LILRA6: variants seen among roughly 807,000 people sequenced by gnomAD.
LILRA6 encodes the protein leukocyte immunoglobulin-like receptor subfamily A member 6.
A neutral mutation model predicts 53.9 loss-of-function variants in LILRA6; 16 were observed. The ratio of observed to expected loss-of-function variants is 0.30; its 90% CI spans 0.20 to 0.45. LILRA6 has a LOEUF of 0.45. LILRA6 is among the 20% of genes least tolerant of loss of function. LILRA6 has a pLI of 1.00. For synonymous variants in LILRA6, 135 were observed against 256.4 expected, an observed-to-expected ratio of 0.53 and a Z score of 4.52; for missense variants, 306 against 618.6, an observed-to-expected ratio of 0.49 and a Z score of 5.36.
At chr19:54,237,148 A>C (rs1334531000), downstream of LILRA6, 2 of 150,936 alleles carry the variant, frequency 1.3e-5, no homozygotes, top group Non-Finnish European at 2.9e-5. Flanking sequence ...GGATCACCTT[A>C]GGTCAGGAGT....
intron 7 of LILRA6, chr19:54,239,511 T>C (rs1188770878): frequency 4.4e-6 from 3 of 679,956 alleles, no homozygotes; most frequent in African/African-American, 1.9e-5. Context: ...CACTCCCTTC[T>C]TTCCTAGTGT....
Position 54,238,920 on chromosome 19 carries a change from C to T in LILRA6, c.*33G>A, listed in dbSNP as rs772780268. 132 of 1,605,260 alleles carry T rather than the reference C, an allele frequency of 8.2e-5. 1 individual carries two copies. The highest frequency in any genetic ancestry group is 1.1e-4 in the Non-Finnish European group (124 of 1,176,506). On this transcript the variant is annotated 3_prime_UTR_variant, in exon 8 of 8. Coordinates refer to ENST00000396365, the Ensembl canonical transcript of LILRA6. ...CATCAGATCTGTCCCTGAGGCTCCA[C>T]CACGCTGAAGGGTGCATTGTCCTCT...
chr19:54,237,864 T>C (rs1304618775), downstream of LILRA6: 1 of 150,812 alleles, frequency 6.6e-6, no homozygotes, highest in Non-Finnish European at 1.5e-5. Flanking sequence ...TTGAACCACA[T>C]ATGTTTCCTT....
At chr19:54,237,578 T>G (rs967631996), downstream of LILRA6, 2 of 151,212 alleles carry the variant, frequency 1.3e-5, no homozygotes, top group Non-Finnish European at 2.9e-5. Context: ...CCGCGTCCAG[T>G]GGTCCTTGGA....
At chr19:54,241,035 A>C in exon 5 of LILRA6, 4 of 1,613,042 alleles carry the variant, frequency 2.5e-6, no homozygotes, top group Non-Finnish European at 3.4e-6. Context: ...AATCTGTCGT[A>C]GCCGACATCA....
intron 2 of LILRA6, 30 bp downstream of exon 2, chr19:54,242,489 G>C: frequency 9.3e-7 from 1 of 1,078,250 alleles, no homozygotes; most frequent in East Asian, 2.5e-5. Context: ...GTAAGGATGA[G>C]GGACCTGGGA....
exon 6 of LILRA6, chr19:54,240,344 G>A: frequency 6.2e-7 from 1 of 1,604,946 alleles, no homozygotes; most frequent in Non-Finnish European, 8.5e-7. Context: ...ATGAGCCGTA[G>A]CACCTGTAGG....
exon 8 of LILRA6, chr19:54,238,944 C>G (rs2078674126): frequency 6.2e-7 from 1 of 1,610,248 alleles, no homozygotes; most frequent in Admixed American, 1.7e-5. Flanking sequence ...GCATTGTCCT[C>G]TCCGCTGTTC....
Position 54,240,123 on chromosome 19 carries a change from C to G in LILRA6, c.1258+151G>C, listed in dbSNP as rs745824672. On this transcript the variant is annotated intron_variant, in intron 6 of 7. Transcript: ENST00000396365. ...ACGGGTGGCCACGCCTAGGAGAACCCCTGTTGGCCTCCTCCCCTCTGAGGG... is the reference window on the plus strand; with the variant it reads ...ACGGGTGGCCACGCCTAGGAGAACCGCTGTTGGCCTCCTCCCCTCTGAGGG... The G allele has an allele frequency of 5.5e-3, 7,997 of 1,450,836 alleles. No homozygotes were observed. The African/African-American group carries it at 0.089, about 16-fold the overall frequency. 89.9% of individuals were successfully genotyped at this position (1,450,836 alleles called of 1,614,324 possible).
downstream of LILRA6, chr19:54,237,872 CTTTG>C (rs1476600141): frequency 6.6e-6 from 1 of 150,712 alleles, no homozygotes; most frequent in African/African-American, 2.5e-5. Context: ...CATATGTTTC[CTTTG>C]TTTTAGATGT....
chr19:54,238,888 C>T (rs1338334769), exon 8 of LILRA6: 1 of 1,586,864 alleles, frequency 6.3e-7, no homozygotes, highest in East Asian at 2.3e-5. Flanking sequence ...CCAGAGCCTT[C>T]TGGGATCATC....
At chr19:54,237,323 A>G (rs1247718565), downstream of LILRA6, 5 of 150,836 alleles carry the variant, frequency 3.3e-5, no homozygotes, top group Admixed American at 2.6e-4. Flanking sequence ...AGATCCTGCC[A>G]CTGCACGCCA....
downstream of LILRA6, chr19:54,237,692 C>G (rs2078655639): frequency 6.6e-6 from 1 of 150,662 alleles, no homozygotes; most frequent in Non-Finnish European, 1.5e-5. Flanking sequence ...TTGAGTTTGC[C>G]TCCCTAGAAA....
intron 7 of LILRA6, 66 bp downstream of exon 7, chr19:54,239,835 G>C (rs1420897666): frequency 1.3e-6 from 2 of 1,550,716 alleles, no homozygotes; most frequent in Non-Finnish European, 1.7e-6. Flanking sequence ...AGGGGAGTGG[G>C]ATCCTTTGGG....
rs539473269 is a variant in LILRA6, at chr19:54,242,050, C to T, written c.331G>A (p.Asp111Asn). 10 of 1,420,292 alleles carry T rather than the reference C, an allele frequency of 7.0e-6. 1 individual carries two copies. Among genetic ancestry groups the T allele is most frequent in the South Asian group, 2.7e-5 (2 of 73,296 alleles). The allele number at this position is 1,420,292 out of a possible 1,614,324, so 88.0% of individuals were successfully genotyped here. Residue 111 changes from aspartate to asparagine, a missense_variant, in exon 3 of 8, where the codon GAC becomes AAC. By Grantham distance (23) the Asp-to-Asn change is conservative. This residue lies in a region of LILRA6 where 2 missense variants were observed against 16.5 expected (regional missense o/e 0.12). Transcript: ENST00000396365. ...CCTGTCATCACCAGCTCCAGGGGGT[C>T]GCTGGGCTCTGACCAGCCTGCAGAG...
rs768692338 is a variant in LILRA6, at chr19:54,240,829, A to C, written c.955+2T>G. 2 of 1,613,242 alleles carry C rather than the reference A, an allele frequency of 1.2e-6. No individual in the cohort carries two copies. The highest frequency in any genetic ancestry group is 1.7e-6 in the Non-Finnish European group (2 of 1,179,958). On this transcript the variant is annotated splice_donor_variant, in intron 5 of 7. Transcript: ENST00000396365. LOFTEE classifies it high-confidence loss of function. ...CCTGACTGAACCCGCTGGGCTCCTC[A>C]CCTGCCATCAGGATGTTCAGGGGGT...
intron 7 of LILRA6, chr19:54,239,521 T>A: frequency 1.4e-6 from 1 of 702,190 alleles, no homozygotes; most frequent in Non-Finnish European, 2.3e-6. Context: ...TTTCCTAGTG[T>A]CCCAGAGCTC....
At chr19:54,239,719 G>A (rs566669230) in intron 7 of LILRA6, 182 bp downstream of exon 7, 59 of 1,507,388 alleles carry the variant, frequency 3.9e-5, no homozygotes, top group Admixed American at 1.6e-4. Context: ...ACATCAGCCC[G>A]GCTCCTCCTC....
chr19:54,239,872 G>A lies in LILRA6; in HGVS notation c.1309+29C>T, dbSNP rs374316922. 7,133 of 1,551,600 alleles carry A rather than the reference G, an allele frequency of 4.6e-3. 2 individuals carry two copies. The highest frequency in any genetic ancestry group is 5.3e-3 in the Non-Finnish European group (6,094 of 1,147,270). ...GACTCAGACTGCCCTGGGGGAGGCG[G>A]CGCTCCCCACGAGGCCTCAGTGACT... On this transcript the variant is annotated intron_variant, in intron 7 of 7. Transcript: ENST00000396365.
Sources: gnomAD v4.1 joint callset for allele counts on GRCh38, gnomAD v4.1.1 for gene constraint, gnomAD v4.1.1 regional missense constraint, MANE v1.5 for transcripts, NCBI Gene and HGNC (gene_info 2026-07-23, HGNC 2026-07-21) for gene names.